C21orf58: variants seen among roughly 807,000 people sequenced by gnomAD.
The protein encoded by C21orf58 is uncharacterized protein C21orf58.
In C21orf58, 34 loss-of-function variants were observed where a neutral mutation model predicts 35.8. That is an observed-to-expected ratio of 0.95 (90% CI 0.72 to 1.26). The LOEUF is 1.26. Among genes scored for constraint, C21orf58 ranks in the 50% most tolerant of loss-of-function variants. C21orf58 has a pLI of 0.00. For synonymous variants in C21orf58, 191 were observed against 175.8 expected, an observed-to-expected ratio of 1.09 and a Z score of -0.68; for missense variants, 440 against 414.3, an observed-to-expected ratio of 1.06 and a Z score of -0.54.
At chr21:46,304,689 C>T (rs922384170) in intron 6 of C21orf58, among the ~76,000 whole-genome samples, 8 of 152,132 alleles carry the variant, frequency 5.3e-5, no homozygotes, top group African/African-American at 1.7e-4. Flanking sequence ...TGGGCACAAA[C>T]CTTTTGAGAG....
At chr21:46,314,669 C>T in intron 5 of C21orf58, 47 bp downstream of exon 5, 1 of 1,354,120 alleles carries the variant, frequency 7.4e-7, no homozygotes. Context: ...CTTAATTCCG[C>T]ACCCGCCTCC....
At chr21:46,320,149 G>C (rs1319106897) in intron 1 of C21orf58, among the ~76,000 whole-genome samples, 1 of 151,764 alleles carries the variant, frequency 6.6e-6, no homozygotes, top group Admixed American at 6.6e-5. Context: ...GCCCAGGCTG[G>C]AGTGCAGAGG....
intron 6 of C21orf58, among the ~76,000 whole-genome samples, chr21:46,308,213 A>G (rs2082510685): frequency 6.6e-6 from 1 of 152,128 alleles, no homozygotes; most frequent in African/African-American, 2.4e-5. Flanking sequence ...CCATAATCCC[A>G]GCACTTTGGG....
intron 3 of C21orf58, 98 bp downstream of exon 3, chr21:46,317,108 CCA>C: frequency 2.0e-6 from 2 of 993,318 alleles, no homozygotes; most frequent in Non-Finnish European, 3.0e-6. Flanking sequence ...GGGGTGATTC[CCA>C]GAGTTGCTGT....
At position 46,301,335 on chromosome 21, in the gene C21orf58, C is replaced by T. The variant is rs866409909; in HGVS notation, c.*664G>A. ...TTTTTAAATTTATTTTTTGTAGAGA[C>T]GGGGTCTTGCTATGTGACCCAGGCT... On this transcript the variant is annotated 3_prime_UTR_variant, in exon 8 of 8. Transcript: ENST00000291691. 17 of 344,680 alleles carry T rather than the reference C, an allele frequency of 4.9e-5. No homozygotes were observed. In the South Asian group the frequency reaches 9.4e-4, roughly 19 times the overall value. The allele number at this position is 344,680 out of a possible 1,614,324, so 21.4% of individuals were successfully genotyped here. A position where few individuals can be genotyped will look rare whatever the true frequency, so the allele number is the denominator to read the frequency against.
At chr21:46,304,650 A>C (rs953759830) in intron 6 of C21orf58, among the ~76,000 whole-genome samples, 1 of 152,192 alleles carries the variant, frequency 6.6e-6, no homozygotes, top group Non-Finnish European at 1.5e-5. Flanking sequence ...TGGCGACTGA[A>C]ATTCTCATTC....
chr21:46,309,686 AC>A (rs1176362978), intron 6 of C21orf58, among the ~76,000 whole-genome samples: 3 of 151,538 alleles, frequency 2.0e-5, no homozygotes, highest in African/African-American at 4.9e-5. Context: ...TACTGTGTAG[AC>A]CATTTCTACA....
At chr21:46,301,046 CA>C, downstream of C21orf58, 1 of 1,021,664 alleles carries the variant, frequency 9.8e-7, no homozygotes, top group Non-Finnish European at 1.2e-6. Context: ...TGCAAACCAG[CA>C]TGTAGAGATT....
In C21orf58 at chr21:46,302,720, G is replaced by A. The variant is rs1395283382; in HGVS notation, c.722-144C>T. On this transcript the variant is annotated intron_variant, in intron 6 of 7. Coordinates refer to ENST00000291691, the MANE Select transcript of C21orf58 (RefSeq NM_058180.5). ...GCAGGCTCTGAGTCCGTCTGCACAC[G>A]GTGCGGGTCCCCGGGGCGCGCCCTG... is the stretch of plus-strand genomic sequence containing the variant. The A allele has an allele frequency of 1.7e-5, 11 of 657,318 alleles. No individual in the cohort carries two copies. The East Asian group carries it at 2.0e-4, about 12-fold the overall frequency. The allele number at this position is 657,318 out of a possible 1,614,324, so 40.7% of individuals were successfully genotyped here.
In C21orf58 at chr21:46,304,031, T is replaced by G. The variant is rs1389099987; in HGVS notation, c.722-1455A>C. ...TTCCCAAAGTGCTGGTTTTTTTTTT[T>G]TTTTTTTTTTTTTGAGACGGAGTCT... On this transcript the variant is annotated intron_variant, in intron 6 of 7. Transcript: ENST00000291691. Among the ~76,000 whole-genome samples the G allele has an allele frequency of 6.1e-5, 7 of 113,980 alleles. No individual in the cohort carries two copies. The East Asian group carries it at 7.4e-4, about 12-fold the overall frequency. 74.8% of individuals were successfully genotyped at this position (113,980 alleles called of 152,430 possible). A position where few individuals can be genotyped will look rare whatever the true frequency, so the allele number is the denominator to read the frequency against.
At position 46,318,071 on chromosome 21, in the gene C21orf58, T is replaced by C. The variant is rs145032370; in HGVS notation, c.250A>G (p.Met84Val). 1.2e-5 allele frequency: 19 copies of C among 1,613,410 alleles called. No homozygotes were observed. In the African/African-American group the frequency reaches 1.6e-4, roughly 14 times the overall value. ...TGCTCTGCTGCTGATGAGTCCAGCA[T>C]GGTGGGAGCTGCAGGAGACGACTGT... ...PLQSSPAAPT[M>V]LDSSAAEQVT... The change falls in exon 2 of 8, where the codon ATG becomes GTG. Residue 84 changes from methionine to valine, a missense_variant. Met to Val is a conservative substitution (Grantham distance 21). Transcript: ENST00000291691.
intron 1 of C21orf58, 156 bp from the exon 2 acceptor site, chr21:46,318,376 C>T: frequency 1.4e-6 from 2 of 1,445,108 alleles, no homozygotes; most frequent in Non-Finnish European, 1.8e-6. Context: ...CCTCAGGCTA[C>T]CGGTAAACAC....
intron 6 of C21orf58, among the ~76,000 whole-genome samples, chr21:46,305,163 T>G: frequency 6.6e-6 from 1 of 152,162 alleles, no homozygotes; most frequent in Non-Finnish European, 1.5e-5. Context: ...TGCCAGGCAC[T>G]GACGGGAGGG....
At position 46,311,503 on chromosome 21, in the gene C21orf58, G is replaced by A; in HGVS notation, c.674C>T (p.Pro225Leu). 6.2e-7 allele frequency: 1 copy of A among 1,612,416 alleles called. No individual in the cohort carries two copies. The highest frequency in any genetic ancestry group is 8.5e-7 in the Non-Finnish European group (1 of 1,179,314). Residue 225 changes from proline to leucine, a missense_variant, in exon 6 of 8, where the codon CCT (proline) becomes CTT (leucine). Transcript: ENST00000291691. ...LPQQPLIAQIPPPQAFPTQRS... is the reference protein window; with the variant it reads ...LPQQPLIAQILPPQAFPTQRS... The stretch of plus-strand genomic sequence containing the variant: ...TTGAGTAGGGAAGGCCTGGGGAGGA[G>A]GAATCTGTGCTATGAGTGGCTGCTG...
downstream of C21orf58, chr21:46,301,062 C>T (rs1011541882): frequency 4.8e-5 from 49 of 1,028,850 alleles, no homozygotes; most frequent in Non-Finnish European, 5.2e-5. Context: ...GAGATTTCTG[C>T]ATTTATAGCA....
At chr21:46,302,748 C>G (rs1432964604) in intron 6 of C21orf58, among the ~76,000 whole-genome samples, 172 bp from the exon 7 acceptor site, 10 of 125,056 alleles carry the variant, frequency 8.0e-5, no homozygotes, top group African/African-American at 2.4e-4. Flanking sequence ...GCGCCCTGAG[C>G]CCGTCTGCAC....
chr21:46,320,057 G>A (rs796799672), intron 1 of C21orf58, among the ~76,000 whole-genome samples: 38 of 152,164 alleles, frequency 2.5e-4, no homozygotes, highest in African/African-American at 8.7e-4. Context: ...CAACTGTATA[G>A]AGCACCCTTG....
chr21:46,317,240 T>A lies in C21orf58; in HGVS notation c.338A>T (p.Glu113Val), dbSNP rs902395235. 5.6e-6 allele frequency: 9 copies of A among 1,611,868 alleles called. No homozygotes were observed. The highest frequency in any genetic ancestry group is 5.9e-6 in the Non-Finnish European group (7 of 1,179,732). The change falls in exon 3 of 8, where the codon GAA (glutamate) becomes GTA (valine). Residue 113 changes from glutamate (E) to valine (V), a missense_variant. Coordinates refer to ENST00000291691, the MANE Select transcript of C21orf58 (RefSeq NM_058180.5). ...GAGGTGGAGGCCCTCAGGTCCCCCT[T>A]CCACGTTCTGCCGTTCTTGCTCCAG... ...QKLEQERQNV[E>V]GGPEGLHLEP...
At position 46,301,367 on chromosome 21, in the gene C21orf58, G is replaced by T. The variant is rs185168883; in HGVS notation, c.*632C>A. The T allele has an allele frequency of 3.3e-6, 2 of 605,688 alleles. No individual in the cohort carries two copies. Among genetic ancestry groups the T allele is most frequent in the East Asian group, 1.4e-4 (1 of 7,076 alleles). The allele number at this position is 605,688 out of a possible 1,614,324, so 37.5% of individuals were successfully genotyped here. ...TTGCTATGTGACCCAGGCTGGTCTC[G>T]AATTCCTGAGCTCAAGTGATCCTCC... On this transcript the variant is annotated 3_prime_UTR_variant, in exon 8 of 8. Transcript: ENST00000291691.
Sources: allele counts gnomAD v4.1 joint callset (sites outside exome capture counted in the v4.1 genomes callset), GRCh38; gene constraint gnomAD v4.1.1; transcripts MANE v1.5; gene names NCBI Gene and HGNC (gene_info 2026-07-23, HGNC 2026-07-21).